Variants in NBEAL2 observed in about 807,000 individuals in gnomAD.
The protein encoded by NBEAL2 is neurobeachin like 2.
A neutral mutation model predicts 299.8 loss-of-function variants in NBEAL2; 160 were observed. The ratio of observed to expected loss-of-function variants is 0.53; its 90% CI spans 0.47 to 0.61. NBEAL2 has a LOEUF of 0.61. Ranked by LOEUF, NBEAL2 falls within the 20% of genes least tolerant of loss-of-function variation. The probability of loss-of-function intolerance (pLI) is 0.00; values close to 1 mark genes in which losing one functional copy is unlikely to be tolerated. For synonymous variants in NBEAL2, 1,493 were observed against 1,542.3 expected (o/e 0.97, Z 0.75); for missense variants, 3,112 against 3,649.0 (o/e 0.85, Z 3.79).
In NBEAL2 at chr3:47,001,880, A is replaced by G; in HGVS notation, c.4783-40A>G. On this transcript the variant is annotated intron_variant, in intron 30 of 53. Coordinates refer to ENST00000450053, the MANE Select transcript of NBEAL2 (RefSeq NM_015175.3). This position sits in a 1 kb window ranked among gnomAD's most constrained non-coding sequence, Gnocchi z 6.1. ...GGGCGTGTGAGATGTCGGGAGCTCC[A>G]AGAGTGGCTGGGTGCCACTCATCTC... 3.1e-6 allele frequency: 5 copies of G among 1,608,018 alleles called. No individual in the cohort carries two copies. Among genetic ancestry groups the G allele is most frequent in the Non-Finnish European group, 4.3e-6 (5 of 1,175,576 alleles).
rs915899462 is a variant in NBEAL2, at chr3:47,006,497, A to C, written c.7134+48A>C. The C allele has an allele frequency of 2.0e-6, 3 of 1,515,202 alleles. No individual in the cohort carries two copies. The African/African-American group carries it at 4.2e-5, about 21-fold the overall frequency. The allele number at this position is 1,515,202 out of a possible 1,614,324, so 93.9% of individuals were successfully genotyped here. ...ACTTTATATTCTGTGAAATGGGTTT[A>C]ACCCCACTGTCCTTACCAACCACGT... On this transcript the variant is annotated intron_variant, in intron 45 of 53. Coordinates refer to ENST00000450053, the MANE Select transcript of NBEAL2 (RefSeq NM_015175.3).
At position 46,996,291 on chromosome 3, in the gene NBEAL2, C is replaced by T. The variant is rs1388415632; in HGVS notation, c.2172C>T (p.Ile724=). 5.0e-6 allele frequency: 8 copies of T among 1,608,100 alleles called. No homozygotes were observed. Among genetic ancestry groups the T allele is most frequent in the African/African-American group, 2.7e-5 (2 of 74,912 alleles). ...CACAGCCTTTCTCCTCCTGCTGTAT[C>T]GGCTCCGCTGGATACCGCACAACGA... is the stretch of plus-strand genomic sequence containing the variant. The part of the protein sequence containing the change: ...SLSEPFSSCC[I]GSAGYRTTTT... Residue 724 remains isoleucine (I), a synonymous_variant, in exon 16 of 54, where the codon ATC becomes ATT. Transcript: ENST00000450053.
At position 46,996,387 on chromosome 3, in the gene NBEAL2, C is replaced by A. The variant is rs778169764; in HGVS notation, c.2268C>A (p.Arg756=). The A allele has an allele frequency of 1.9e-6, 3 of 1,612,148 alleles. No homozygotes were observed. The African/African-American group carries it at 4.0e-5, about 22-fold the overall frequency. ...TLAYTHPALT[R]SQSVPASTGL... Reference sequence around the variant, plus strand: ...CCTACACTCACCCCGCCCTCACCCGCTCCCAGTCAGTCCCAGCCTCCACAG... The same window carrying A: ...CCTACACTCACCCCGCCCTCACCCGATCCCAGTCAGTCCCAGCCTCCACAG... Residue 756 remains arginine, a synonymous_variant, in exon 16 of 54, where the codon CGC becomes CGA. Transcript: ENST00000450053.
In NBEAL2 at chr3:46,994,449, A is replaced by T. The variant is rs1401330019; in HGVS notation, c.1198-6A>T. 1 of 1,583,436 alleles carries T rather than the reference A, an allele frequency of 6.3e-7. No homozygotes were observed. Among genetic ancestry groups the T allele is most frequent in the South Asian group, 1.1e-5 (1 of 87,142 alleles). ...GTTCACTTCTTCCCCATACTACCTT[A>T]CACAGGAGGTGTTTAAGGAGCGCAT... On this transcript the variant is annotated splice_region_variant and splice_polypyrimidine_tract_variant and intron_variant, in intron 11 of 53. Transcript: ENST00000450053.
chr3:46,988,357 G>C lies in NBEAL2; in HGVS notation c.52-312G>C, dbSNP rs1170888474. 6.6e-6 allele frequency among the ~76,000 whole-genome samples: 1 copy of C among 152,154 alleles called. No individual in the cohort carries two copies. The highest frequency in any genetic ancestry group is 1.5e-5 in the Non-Finnish European group (1 of 68,016). ...CCCCACTTACGCCCCTCCCCTGGCT[G>C]TGTCAGACCTGCCTAGGACTGCAGG... On this transcript the variant is annotated intron_variant, in intron 1 of 53. Coordinates refer to ENST00000450053, the MANE Select transcript of NBEAL2 (RefSeq NM_015175.3). The surrounding 1 kb of genome is among the most constrained non-coding windows in gnomAD (Gnocchi z 4.4).
In NBEAL2 at chr3:46,998,133, G is replaced by T. The variant is rs2036641218; in HGVS notation, c.3025G>T (p.Ala1009Ser). ...SAQLLMEQVA[A>S]EGSGPLLYLL... ...CCAGCTGCTGATGGAGCAGGTGGCA[G>T]CTGAGGGCAGCGGGCCCCTCCTGTA... The change falls in exon 21 of 54, where the codon GCT becomes TCT. Residue 1009 changes from alanine (A) to serine (S), a missense_variant. Ala to Ser is a moderately conservative substitution (Grantham distance 99, BLOSUM62 1). Coordinates refer to ENST00000450053, the MANE Select transcript of NBEAL2 (RefSeq NM_015175.3). 1 of 1,593,212 alleles carries T rather than the reference G, an allele frequency of 6.3e-7. No individual in the cohort carries two copies. Among genetic ancestry groups the T allele is most frequent in the African/African-American group, 1.3e-5 (1 of 74,490 alleles).
chr3:47,007,599 A>T lies in NBEAL2; in HGVS notation c.7409A>T (p.Asp2470Val). The T allele has an allele frequency of 6.2e-7, 1 of 1,612,102 alleles. No individual in the cohort carries two copies. Among genetic ancestry groups the T allele is most frequent in the Non-Finnish European group, 8.5e-7 (1 of 1,179,526 alleles). ...GGACAAGCACTGGCAGTGGCCCCGG[A>T]TGGAAAGCTGCTATTCAGCGGTGGC... Reference protein sequence around the residue: ...VSGQALAVAPDGKLLFSGGHW... With the variant: ...VSGQALAVAPVGKLLFSGGHW... Residue 2470 changes from aspartate to valine, a missense_variant, in exon 48 of 54, where the codon GAT becomes GTT. By Grantham distance (152) the Asp-to-Val change is radical. Transcript: ENST00000450053.
At chr3:46,986,105 C>T (rs1156384374) in intron 1 of NBEAL2, among the ~76,000 whole-genome samples, 2 of 152,188 alleles carry the variant, frequency 1.3e-5, no homozygotes, top group East Asian at 3.8e-4. Flanking sequence ...CACCCCACCC[C>T]TGCCTAATAC....
chr3:46,995,951 A>G lies in NBEAL2; in HGVS notation c.2051A>G (p.His684Arg). The G allele has an allele frequency of 1.2e-6, 2 of 1,613,390 alleles. No homozygotes were observed. Among genetic ancestry groups the G allele is most frequent in the South Asian group, 1.1e-5 (1 of 91,038 alleles). ...TTCTAGCACTGCGTGGCTATCGTCC[A>G]TGTGCCTGGGCGCCGGCCCTTCAGC... ...DSAWHCVAIV[H>R]VPGRRPFSQN... is the part of the protein sequence containing the mutation. Residue 684 changes from histidine (H) to arginine (R), a missense_variant, in exon 15 of 54, where the codon CAT (histidine) becomes CGT (arginine). Coordinates refer to ENST00000450053, the MANE Select transcript of NBEAL2 (RefSeq NM_015175.3).
At chr3:46,996,911 C>T (rs778737940) in intron 17 of NBEAL2, 43 bp from the exon 18 acceptor site, 2 of 1,609,540 alleles carry the variant, frequency 1.2e-6, no homozygotes, top group South Asian at 1.1e-5. Context: ...GCCACCCCCT[C>T]CTCCCTCTGA....
chr3:46,980,019 CGCGCGCGCGG>C (rs11277723), intron 1 of NBEAL2, 107 bp downstream of exon 1: 148,686 of 157,770 alleles, frequency 0.94, 70,636 homozygotes, highest in South Asian at 1. Context: ...GCCGCGTAGC[CGCGCGCGCGG>C]GCGCGCGCGC....
rs1453258318 is a variant in NBEAL2, at chr3:47,005,534, G to A, written c.6606G>A (p.Trp2202Ter). 9.3e-6 allele frequency: 15 copies of A among 1,611,098 alleles called. No homozygotes were observed. The highest frequency in any genetic ancestry group is 1.2e-5 in the Non-Finnish European group (14 of 1,179,092). Reference sequence around the variant, plus strand: ...AGTTCCACTCGGTGGCGGCAGCCTGGCAGGCACGCCTGGAGAGCCCTGCCG... The same window carrying A: ...AGTTCCACTCGGTGGCGGCAGCCTGACAGGCACGCCTGGAGAGCCCTGCCG... ...DRQFHSVAAA[W>*]QARLESPADV... The change falls in exon 41 of 54, where the codon TGG becomes TGA. Residue 2202 changes from tryptophan (W) to a stop codon, truncating the protein, a stop_gained. Coordinates refer to ENST00000450053, the MANE Select transcript of NBEAL2 (RefSeq NM_015175.3). LOFTEE classifies it high-confidence loss of function.
chr3:46,990,761 A>G (rs371799318), intron 6 of NBEAL2, among the ~76,000 whole-genome samples: 1 of 152,190 alleles, frequency 6.6e-6, no homozygotes, highest in African/African-American at 2.4e-5. Flanking sequence ...AGGCAAAGGC[A>G]TGGGCGTGGG....
Position 46,980,992 on chromosome 3 carries a change from G to A in NBEAL2, c.51+1080G>A, listed in dbSNP as rs572672164. 2.0e-4 allele frequency among the ~76,000 whole-genome samples: 30 copies of A among 152,290 alleles called. No individual in the cohort carries two copies. In the East Asian group the frequency reaches 3.9e-3, roughly 20 times the overall value. ...AGGAGGCTGGCCCACTGTCTTCCAC[G>A]GACCTGGAGTCCAGGCCAGAAGGAC... On this transcript the variant is annotated intron_variant, in intron 1 of 53. Transcript: ENST00000450053.
rs781366964 is a variant in NBEAL2, at chr3:46,995,204, T to TGCAG, written c.1476_1479dup (p.Leu494ArgfsTer59). 1.9e-6 allele frequency: 3 copies of TGCAG among 1,557,848 alleles called. No homozygotes were observed. The African/African-American group carries it at 4.1e-5, about 21-fold the overall frequency. ...TGCCCTGCCAGCCGTGCCACCTGTG[T>TGCAG]GCAGGCAGGCCTGGTGGGCTGCCTG... On this transcript the variant is annotated frameshift_variant, in exon 13 of 54. Transcript: ENST00000450053. LOFTEE classifies it high-confidence loss of function.
Position 46,999,376 on chromosome 3 carries a change from T to C in NBEAL2, c.3605T>C (p.Leu1202Pro). The C allele has an allele frequency of 6.2e-7, 1 of 1,607,858 alleles. No individual in the cohort carries two copies. The highest frequency in any genetic ancestry group is 8.5e-7 in the Non-Finnish European group (1 of 1,177,896). ...GAGCGGAGCCGCCAGCGCCTCCGGC[T>C]GCGGGAGTGTGGTCTCCAGGGTCTG... ...LPERSRQRLR[L>P]RECGLQGLVA... The change falls in exon 25 of 54, where the codon CTG becomes CCG. Residue 1202 changes from leucine to proline, a missense_variant. Around this residue, in one of 3 missense-constraint regions of NBEAL2, gnomAD observed 2,243 missense variants for 2,538.1 expected, o/e 0.88. Coordinates refer to ENST00000450053, the MANE Select transcript of NBEAL2 (RefSeq NM_015175.3).
chr3:47,006,738 T>C (rs2037474412), intron 45 of NBEAL2, among the ~76,000 whole-genome samples: 2 of 152,156 alleles, frequency 1.3e-5, no homozygotes, highest in African/African-American at 4.8e-5. Flanking sequence ...CATTCCTGAA[T>C]GTTGCCCCCA....
In NBEAL2 at chr3:46,989,552, C is replaced by G; in HGVS notation, c.515C>G (p.Pro172Arg). ...SSKEKSKYKF[P>R]PAALPQEFSA... ...AAGGAGAAGAGCAAATACAAGTTCC[C>G]TCCTGCTGCTTTGCCCCAGGAATTC... Residue 172 changes from proline to arginine, a missense_variant, in exon 6 of 54, where the codon CCT becomes CGT. This residue lies in a region of NBEAL2 where 2,243 missense variants were observed against 2,538.1 expected (regional missense o/e 0.88). Transcript: ENST00000450053. The surrounding 1 kb of genome is among the most constrained non-coding windows in gnomAD (Gnocchi z 5.5). 1 of 1,598,210 alleles carries G rather than the reference C, an allele frequency of 6.3e-7. No homozygotes were observed. Among genetic ancestry groups the G allele is most frequent in the Non-Finnish European group, 8.5e-7 (1 of 1,172,284 alleles).
chr3:46,997,676 C>T lies in NBEAL2; in HGVS notation c.2940C>T (p.Ile980=), dbSNP rs748390322. 1.5e-5 allele frequency: 23 copies of T among 1,545,572 alleles called. No individual in the cohort carries two copies. The highest frequency in any genetic ancestry group is 3.6e-5 in the South Asian group (3 of 82,310). The part of the protein sequence containing the change: ...SLVQCQGPAI[I]GALLRKVPSW... ...TGCAGTGCCAGGGGCCTGCCATCATCGGGGCCCTCCTGCGAAAGGTGGGGC... is the reference window on the plus strand; with the variant it reads ...TGCAGTGCCAGGGGCCTGCCATCATTGGGGCCCTCCTGCGAAAGGTGGGGC... The change falls in exon 20 of 54, where the codon ATC becomes ATT. Residue 980 remains isoleucine (I), a synonymous_variant. Transcript: ENST00000450053.
Sources: allele counts gnomAD v4.1 joint callset (sites outside exome capture counted in the v4.1 genomes callset), GRCh38; gene constraint gnomAD v4.1.1; regional missense constraint gnomAD v4.1.1; non-coding constraint Gnocchi (gnomAD v3.1); transcripts MANE v1.5; gene names NCBI Gene and HGNC (gene_info 2026-07-23, HGNC 2026-07-21).